The following TAFA2 variants were observed in gnomAD, a reference collection of about 807,000 sequenced individuals.
The protein encoded by TAFA2 is chemokine-like protein TAFA-2.
In TAFA2, 7 loss-of-function variants were observed where a neutral mutation model predicts 18.8. The ratio of observed to expected loss-of-function variants is 0.37; its 90% CI spans 0.21 to 0.70. The LOEUF (loss-of-function observed/expected upper bound fraction) is 0.70, where lower values mean the gene tolerates loss of function less well. Among genes scored for constraint, TAFA2 ranks in the 30% least tolerant of loss-of-function variants. The pLI is 0.53. For missense variants in TAFA2, 122 were observed against 158.1 expected, an observed-to-expected ratio of 0.77 and a Z score of 1.23; for synonymous variants, 60 against 54.2, an observed-to-expected ratio of 1.11 and a Z score of -0.47.
chr12:62,202,222 T>A (rs1054968485), intron 1 of TAFA2, among the ~76,000 whole-genome samples: 2 of 152,154 alleles, frequency 1.3e-5, no homozygotes, highest in Non-Finnish European at 2.9e-5. Flanking sequence ...GGGTTTTTCA[T>A]ATCCCTATCT....
At chr12:61,750,736 A>G (rs1868972625) in intron 4 of TAFA2, among the ~76,000 whole-genome samples, 1 of 152,118 alleles carries the variant, frequency 6.6e-6, no homozygotes, top group Admixed American at 6.6e-5. Flanking sequence ...CAGATTGGCT[A>G]TGGGCCATTA....
At chr12:61,760,365 A>ATATATATATAT (rs1869483548) in intron 2 of TAFA2, among the ~76,000 whole-genome samples, 1 of 122,180 alleles carries the variant, frequency 8.2e-6, no homozygotes, top group African/African-American at 3.0e-5. Context: ...AAAATATCAA[A>ATATATATATAT]ATATATATAT....
chr12:62,250,578 TC>T (rs893869327), intron 1 of TAFA2, among the ~76,000 whole-genome samples: 5 of 152,160 alleles, frequency 3.3e-5, no homozygotes, highest in Admixed American at 2.6e-4. Flanking sequence ...GAGGTTTTTT[TC>T]CATTCTGGAA....
intron 1 of TAFA2, among the ~76,000 whole-genome samples, chr12:62,167,382 A>G (rs2062447809): frequency 6.6e-6 from 1 of 152,210 alleles, no homozygotes; most frequent in Admixed American, 6.5e-5. Context: ...ATAACCAGAG[A>G]GAAACTGTTA....
intron 2 of TAFA2, among the ~76,000 whole-genome samples, chr12:61,798,495 T>C (rs1382364668): frequency 1.3e-5 from 2 of 152,122 alleles, no homozygotes; most frequent in Non-Finnish European, 2.9e-5. Flanking sequence ...ACCATCTATC[T>C]CCAGCACTTC....
At chr12:62,042,660 C>T (rs371112806) in intron 1 of TAFA2, among the ~76,000 whole-genome samples, 34 of 152,234 alleles carry the variant, frequency 2.2e-4, no homozygotes, top group South Asian at 1.5e-3. Context: ...TATCAAAACA[C>T]TTATAACTCC....
intron 2 of TAFA2, among the ~76,000 whole-genome samples, chr12:61,864,823 T>C (rs1251235507): frequency 6.7e-6 from 1 of 148,834 alleles, no homozygotes; most frequent in Non-Finnish European, 1.5e-5. Context: ...AGAGATTAAA[T>C]GAGTTGACAT....
chr12:61,873,439 T>G (rs961618102), intron 1 of TAFA2, among the ~76,000 whole-genome samples: 2 of 152,032 alleles, frequency 1.3e-5, no homozygotes, highest in African/African-American at 4.8e-5. Flanking sequence ...GATGGAGTGG[T>G]GGCTAGAGAG....
chr12:62,011,923 T>C (rs1880783854), intron 1 of TAFA2, among the ~76,000 whole-genome samples: 1 of 152,174 alleles, frequency 6.6e-6, no homozygotes, highest in South Asian at 2.1e-4. Context: ...AAATATTTGG[T>C]TGACCTCTCA....
intron 4 of TAFA2, among the ~76,000 whole-genome samples, chr12:61,741,285 AGTGTGT>A (rs148540119): frequency 6.9e-6 from 1 of 145,334 alleles, no homozygotes; most frequent in Non-Finnish European, 1.5e-5. Context: ...TGTGTGTGTG[AGTGTGT>A]GTGTGTGTGT....
intron 1 of TAFA2, among the ~76,000 whole-genome samples, chr12:62,216,049 C>T (rs972937325): frequency 8.5e-5 from 13 of 152,148 alleles, no homozygotes; most frequent in African/African-American, 2.9e-4. Context: ...ATTTTCTCAA[C>T]TAAGAAAATA....
intron 1 of TAFA2, among the ~76,000 whole-genome samples, chr12:61,869,541 T>C (rs1874504795): frequency 6.6e-6 from 1 of 152,186 alleles, no homozygotes; most frequent in South Asian, 2.1e-4. Context: ...ATTTGTAACA[T>C]TGTGAGTTCA....
intron 1 of TAFA2, among the ~76,000 whole-genome samples, chr12:62,131,388 C>T (rs905623177): frequency 1.1e-4 from 16 of 151,944 alleles, no homozygotes; most frequent in African/African-American, 3.9e-4. Flanking sequence ...GATGCCGGGG[C>T]AGCGGGTTGC....
At chr12:62,224,229 A>T (rs1245555185) in intron 1 of TAFA2, among the ~76,000 whole-genome samples, 1 of 152,162 alleles carries the variant, frequency 6.6e-6, no homozygotes, top group African/African-American at 2.4e-5. Context: ...TCATAAGCAT[A>T]AGCATTTGTA....
In TAFA2 at chr12:61,940,818, G is replaced by A. The variant is rs1028671395; in HGVS notation, c.-1-73392C>T. 1.8e-4 allele frequency among the ~76,000 whole-genome samples: 28 copies of A among 152,212 alleles called. 1 individual carries two copies. Among genetic ancestry groups the A allele is most frequent in the African/African-American group, 5.5e-4 (23 of 41,524 alleles). ...TTAGGCAAAAGGAACAGTGAATGCC[G>A]CTGAATGCCACTAGAATACTATGGT... is the stretch of plus-strand genomic sequence containing the variant. On this transcript the variant is annotated intron_variant, in intron 1 of 4. Coordinates refer to ENST00000416284, the MANE Select transcript of TAFA2 (RefSeq NM_178539.5).
At chr12:61,954,960 A>C (rs1878599819) in intron 1 of TAFA2, among the ~76,000 whole-genome samples, 1 of 152,162 alleles carries the variant, frequency 6.6e-6, no homozygotes, top group African/African-American at 2.4e-5. Flanking sequence ...TTATTTTATA[A>C]CTGTTAGAAG....
chr12:61,823,905 C>G (rs1565646548), intron 2 of TAFA2, among the ~76,000 whole-genome samples: 1 of 152,058 alleles, frequency 6.6e-6, no homozygotes, highest in Non-Finnish European at 1.5e-5. Flanking sequence ...CCTAAGATAC[C>G]CAACACCAAC....
chr12:61,948,065 G>C (rs896455330), intron 1 of TAFA2, among the ~76,000 whole-genome samples: 13 of 152,204 alleles, frequency 8.5e-5, no homozygotes, highest in Non-Finnish European at 1.6e-4. Flanking sequence ...CTATGTGCCT[G>C]ACAGGCACTT....
At chr12:62,127,455 A>G (rs1870510582) in intron 1 of TAFA2, among the ~76,000 whole-genome samples, 1 of 152,056 alleles carries the variant, frequency 6.6e-6, no homozygotes, top group African/African-American at 2.4e-5. Context: ...TTGAATTGCT[A>G]TCTTTTTTCT....
Sources: gnomAD v4.1 joint callset for allele counts (sites outside exome capture counted in the v4.1 genomes callset) on GRCh38, gnomAD v4.1.1 for gene constraint, MANE v1.5 for transcripts, NCBI Gene and HGNC (gene_info 2026-07-23, HGNC 2026-07-21) for gene names.